The following DMD variants were observed in gnomAD, a reference collection of about 807,000 sequenced individuals.
The protein encoded by DMD is dystrophin, also known as mutant dystrophin.
Under a neutral mutation model 330.1 loss-of-function variants are expected in DMD, and 63 were observed. That is an observed-to-expected ratio of 0.19 (90% CI 0.16 to 0.24). The LOEUF is 0.24. Ranked by LOEUF, DMD falls within the 10% of genes least tolerant of loss-of-function variation. The probability of loss-of-function intolerance (pLI) is 1.00; values close to 1 mark genes in which losing one functional copy is unlikely to be tolerated. For missense variants in DMD, 3,344 were observed against 2,684.1 expected, an observed-to-expected ratio of 1.25 and a Z score of -5.43; for synonymous variants, 1,223 against 959.8, an observed-to-expected ratio of 1.27 and a Z score of -5.07.
intron 1 of DMD, among the ~76,000 whole-genome samples, chrX:33,233,173 T>C (rs182557985): frequency 9.8e-5 from 11 of 112,171 alleles, no homozygotes; most frequent in Non-Finnish European, 1.9e-4. Flanking sequence ...AAGCACCATA[T>C]TGTAACCTAT....
chrX:32,256,841 C>T (rs996759337), intron 43 of DMD, among the ~76,000 whole-genome samples: 4 of 111,199 alleles, frequency 3.6e-5, no homozygotes, highest in Non-Finnish European at 7.5e-5. Context: ...AATATTGGCA[C>T]CCACTCTCTT....
intron 9 of DMD, among the ~76,000 whole-genome samples, chrX:32,685,146 C>T (rs2147380690): frequency 9.1e-6 from 1 of 109,360 alleles, no homozygotes; most frequent in East Asian, 2.8e-4. Flanking sequence ...TACTACAGTG[C>T]TTCCGGCATA....
At chrX:32,195,962 C>A (rs1377011465) in intron 44 of DMD, among the ~76,000 whole-genome samples, 3 of 111,912 alleles carry the variant, frequency 2.7e-5, no homozygotes, top group Non-Finnish European at 5.6e-5. Flanking sequence ...TTGTTACTAT[C>A]TATCTTCCCA....
chrX:32,360,105 G>A (rs754763663), intron 37 of DMD, among the ~76,000 whole-genome samples: 24 of 110,834 alleles, frequency 2.2e-4, no homozygotes, highest in African/African-American at 7.2e-4. Flanking sequence ...TAAATCTATT[G>A]TTCTCTCTGC....
intron 1 of DMD, among the ~76,000 whole-genome samples, chrX:33,227,591 G>C (rs1215283536): frequency 9.0e-6 from 1 of 110,819 alleles, no homozygotes; most frequent in Admixed American, 9.7e-5. Flanking sequence ...AAATAAAGGG[G>C]CCCAAAAGCT....
intron 1 of DMD, among the ~76,000 whole-genome samples, chrX:33,044,156 G>T (rs2147949785): frequency 8.9e-6 from 1 of 111,922 alleles, no homozygotes; most frequent in South Asian, 3.8e-4. Flanking sequence ...GAGAGCCCAG[G>T]CGCAGTGGCT....
chrX:32,013,442 C>G (rs539561854), intron 44 of DMD, among the ~76,000 whole-genome samples: 1 of 111,323 alleles, frequency 9.0e-6, no homozygotes, highest in South Asian at 3.7e-4. Flanking sequence ...CATTCTAGGG[C>G]TTGTATTTAT....
At chrX:32,261,347 G>A (rs746026607) in intron 43 of DMD, among the ~76,000 whole-genome samples, 2 of 111,654 alleles carry the variant, frequency 1.8e-5, no homozygotes, top group East Asian at 5.7e-4. Context: ...ACTGACTTGC[G>A]ATTGATGTCC....
At chrX:32,154,602 A>ATG (rs1474553180) in intron 44 of DMD, among the ~76,000 whole-genome samples, 1 of 111,786 alleles carries the variant, frequency 8.9e-6, no homozygotes, top group Non-Finnish European at 1.9e-5. Flanking sequence ...GAAGGCAGCT[A>ATG]TGTATATATA....
Position 31,292,556 on chromosome X carries a change from AC to A in DMD, c.9224+31041del, listed in dbSNP as rs1457929675. 1.3e-3 allele frequency among the ~76,000 whole-genome samples: 140 copies of A among 111,993 alleles called. 1 individual carries two copies. The highest frequency in any genetic ancestry group is 4.0e-3 in the African/African-American group (123 of 30,850). Reference sequence around the variant, plus strand: ...CCACTTTGGAAAACCAGGAGTATCTACTAAAGCTCAGCATATGCCTACCCTC... The same window carrying A: ...CCACTTTGGAAAACCAGGAGTATCTATAAAGCTCAGCATATGCCTACCCTC... On this transcript the variant is annotated intron_variant, in intron 62 of 78. Coordinates refer to ENST00000357033, the MANE Select transcript of DMD (RefSeq NM_004006.3).
chrX:32,252,665 T>TATATATATAA (rs2097269644), intron 43 of DMD, among the ~76,000 whole-genome samples: 1 of 42,808 alleles, frequency 2.3e-5, no homozygotes, highest in Non-Finnish European at 3.5e-5. Context: ...AATATATAAA[T>TATATATATAA]ATATATATAT....
At chrX:31,173,402 T>G in intron 72 of DMD, 137 bp downstream of exon 72, 1 of 691,650 alleles carries the variant, frequency 1.4e-6, no homozygotes, top group Non-Finnish European at 2.2e-6. Flanking sequence ...GGCATGCACG[T>G]TAGAGGGCAA....
At chrX:33,323,837 T>C (rs2054049499) in intron 1 of DMD, among the ~76,000 whole-genome samples, 1 of 111,470 alleles carries the variant, frequency 9.0e-6, no homozygotes, top group African/African-American at 3.3e-5. Flanking sequence ...TCAACATTTG[T>C]TATCTTTTCT....
At chrX:31,606,600 T>C (rs1362284414) in intron 55 of DMD, among the ~76,000 whole-genome samples, 1 of 111,991 alleles carries the variant, frequency 8.9e-6, no homozygotes, top group Non-Finnish European at 1.9e-5. Flanking sequence ...ATGGGATCAC[T>C]GCACTAAAAC....
rs138513147 is a variant in DMD, at chrX:31,494,250, C to T, written c.8547+2538G>A. ...GAAAAGGTACTGTACCAGACAACTACATTGTTGTCTGGTATGAGAAAATAT... is the reference window on the plus strand; with the variant it reads ...GAAAAGGTACTGTACCAGACAACTATATTGTTGTCTGGTATGAGAAAATAT... On this transcript the variant is annotated intron_variant, in intron 57 of 78. Transcript: ENST00000357033. Among the ~76,000 whole-genome samples the T allele has an allele frequency of 6.2e-3, 683 of 109,844 alleles. 2 individuals are homozygous for T. The highest frequency in any genetic ancestry group is 0.028 in the Middle Eastern group (6 of 212).
At chrX:32,558,798 A>G (rs1468603720) in intron 16 of DMD, among the ~76,000 whole-genome samples, 1 of 111,222 alleles carries the variant, frequency 9.0e-6, no homozygotes, top group African/African-American at 3.3e-5. Context: ...TACATTTTAT[A>G]TTGTTACAGA....
chrX:32,006,195 A>C (rs1254986745), intron 44 of DMD, among the ~76,000 whole-genome samples: 3 of 111,227 alleles, frequency 2.7e-5, no homozygotes, highest in African/African-American at 9.8e-5. Context: ...TCTAGAATCA[A>C]CTCTGCAATA....
chrX:33,277,383 A>T (rs1317187872), intron 1 of DMD, among the ~76,000 whole-genome samples: 2 of 111,498 alleles, frequency 1.8e-5, no homozygotes, highest in African/African-American at 6.5e-5. Context: ...ACGAAATGCT[A>T]TTGAATTGTA....
At chrX:32,749,504 A>G (rs894178965) in intron 7 of DMD, among the ~76,000 whole-genome samples, 1 of 112,338 alleles carries the variant, frequency 8.9e-6, no homozygotes, top group African/African-American at 3.2e-5. Flanking sequence ...CAAGGTTATT[A>G]AACAGTTTAT....
Sources: allele counts gnomAD v4.1 joint callset (sites outside exome capture counted in the v4.1 genomes callset), GRCh38; gene constraint gnomAD v4.1.1; transcripts MANE v1.5; gene names NCBI Gene and HGNC (gene_info 2026-07-23, HGNC 2026-07-21).